SLC25A41: variants seen among roughly 807,000 people sequenced by gnomAD.
SLC25A41 encodes solute carrier family 25 member 41.
In SLC25A41, 35 loss-of-function variants were observed where a neutral mutation model predicts 34.7. That is an observed-to-expected ratio of 1.01 (90% confidence interval 0.77 to 1.34). The LOEUF is 1.34. SLC25A41 is among the 40% of genes most tolerant of loss of function. The pLI, the probability that SLC25A41 is intolerant of heterozygous loss-of-function variation, is 0.00. For synonymous variants in SLC25A41, 190 were observed against 209.9 expected (o/e 0.91, Z 0.82); for missense variants, 492 against 489.8 (o/e 1.00, Z -0.04).
At chr19:6,432,989 G>A (rs1465103914) in intron 1 of SLC25A41, among the ~76,000 whole-genome samples, 1 of 151,886 alleles carries the variant, frequency 6.6e-6, no homozygotes, top group Non-Finnish European at 1.5e-5. Flanking sequence ...GACTCTCTAA[G>A]TTACTCATGG....
intron 2 of SLC25A41, chr19:6,430,601 C>G (rs1208487224): frequency 3.0e-6 from 1 of 336,684 alleles, no homozygotes; most frequent in Non-Finnish European, 5.8e-6. Flanking sequence ...GATTCTCCTG[C>G]CTCAGCCTCC....
At chr19:6,426,872 A>C (rs1225298655) in intron 6 of SLC25A41, among the ~76,000 whole-genome samples, 1 of 152,180 alleles carries the variant, frequency 6.6e-6, no homozygotes, top group African/African-American at 2.4e-5. Flanking sequence ...TCCAGAACTC[A>C]AGGGATCCTC....
Position 6,429,834 on chromosome 19 carries a change from G to A in SLC25A41, c.517-3C>T. On this transcript the variant is annotated splice_polypyrimidine_tract_variant and splice_region_variant and intron_variant, in intron 3 of 6. Coordinates refer to ENST00000321510, the MANE Select transcript of SLC25A41 (RefSeq NM_173637.4). ...ATTCCACAGAAGTAATTCTTGCACT[G>A]GGAGAGGAGAGAGGAGGGTGAGAGA... 1.9e-6 allele frequency: 3 copies of A among 1,610,820 alleles called. No individual in the cohort carries two copies. Among genetic ancestry groups the A allele is most frequent in the Non-Finnish European group, 2.5e-6 (3 of 1,178,458 alleles).
rs2092237956 is a variant in SLC25A41 at position 6,426,098 on chromosome 19, C to A, written c.*291G>T. ...ACATGTTCACCATTTCGCCCTGGAG[C>A]CAGGACGACCCACAAGGGGCCAGAC... On this transcript the variant is annotated 3_prime_UTR_variant, in exon 7 of 7. Transcript: ENST00000321510. The A allele has an allele frequency of 1.5e-5, 6 of 396,682 alleles. No individual in the cohort carries two copies. The highest frequency in any genetic ancestry group is 2.8e-5 in the Non-Finnish European group (6 of 213,552). The allele number at this position is 396,682 out of a possible 1,614,324, so 24.6% of individuals were successfully genotyped here.
At position 6,429,087 on chromosome 19, in the gene SLC25A41, TATATATGTTACATATATATATA is replaced by T. The variant is rs1568349611; in HGVS notation, c.624+615_624+636del. Among the ~76,000 whole-genome samples the T allele has an allele frequency of 1.7e-4, 7 of 41,318 alleles. 1 individual carries two copies. The highest frequency in any genetic ancestry group is 1.1e-3 in the African/African-American group (7 of 6,422). The allele number at this position is 41,318 out of a possible 152,430, so 27.1% of individuals were successfully genotyped here. A position where few individuals can be genotyped will look rare whatever the true frequency, so the allele number is the denominator to read the frequency against. On this transcript the variant is annotated intron_variant, in intron 4 of 6. Coordinates refer to ENST00000321510, the MANE Select transcript of SLC25A41 (RefSeq NM_173637.4). The stretch of plus-strand genomic sequence containing the variant: ...ATATATATATATAATATATATATTA[TATATATGTTACATATATATATA>T]ATATATATATTATATATATGTTATA...
At chr19:6,435,615 A>G (rs113176682), upstream of SLC25A41, among the ~76,000 whole-genome samples, 2,818 of 152,104 alleles carry the variant, frequency 0.019, 39 homozygotes, top group South Asian at 0.038. Context: ...CCAGCTACTC[A>G]GGAGGCTGAG....
intron 1 of SLC25A41, 58 bp downstream of exon 1, chr19:6,433,428 TG>T: frequency 6.5e-7 from 1 of 1,549,750 alleles, no homozygotes; most frequent in Non-Finnish European, 8.9e-7. Flanking sequence ...GTGGGTAGCC[TG>T]GCCTCTCCCT....
At chr19:6,429,095 T>TTA (rs1491142721) in intron 4 of SLC25A41, among the ~76,000 whole-genome samples, 1 of 24,336 alleles carries the variant, frequency 4.1e-5, no homozygotes, top group Non-Finnish European at 6.1e-5. Flanking sequence ...TATATATATG[T>TTA]TACATATATA....
chr19:6,435,640 T>G (rs1373442584), upstream of SLC25A41, among the ~76,000 whole-genome samples: 1 of 152,104 alleles, frequency 6.6e-6, no homozygotes, highest in Non-Finnish European at 1.5e-5. Flanking sequence ...GAGGATCACT[T>G]GAGTCCAGGA....
rs2092287591 is a variant in SLC25A41, at chr19:6,432,046, A to G, written c.363+3T>C. ...TCCCGTCCTCCCCCCAACCCACACA[A>G]ACCTGCATGTACACCTTGGCTCTGT... On this transcript the variant is annotated splice_donor_region_variant and intron_variant, in intron 2 of 6. Transcript: ENST00000321510. 1.2e-6 allele frequency: 2 copies of G among 1,608,714 alleles called. No individual in the cohort carries two copies. Among genetic ancestry groups the G allele is most frequent in the Non-Finnish European group, 1.7e-6 (2 of 1,177,218 alleles).
At position 6,426,336 on chromosome 19, in the gene SLC25A41, C is replaced by CA. The variant is rs1304348772; in HGVS notation, c.*52dup. 3 of 1,522,064 alleles carry CA rather than the reference C, an allele frequency of 2.0e-6. No individual in the cohort carries two copies. In the East Asian group the frequency reaches 7.7e-5, roughly 39 times the overall value. 94.3% of individuals were successfully genotyped at this position (1,522,064 alleles called of 1,614,324 possible). A position where few individuals can be genotyped will look rare whatever the true frequency, so the allele number is the denominator to read the frequency against. Reference sequence around the variant, plus strand: ...TCGAGGGCTCTTTGGGGCCAGGGGTCATCAGGTCCTCCTGTCCCATTTCTG... The same window carrying CA: ...TCGAGGGCTCTTTGGGGCCAGGGGTCAATCAGGTCCTCCTGTCCCATTTCTG... On this transcript the variant is annotated 3_prime_UTR_variant, in exon 7 of 7. Coordinates refer to ENST00000321510, the MANE Select transcript of SLC25A41 (RefSeq NM_173637.4).
intron 2 of SLC25A41, among the ~76,000 whole-genome samples, chr19:6,431,780 C>G (rs1456401602): frequency 2.0e-5 from 3 of 152,030 alleles, no homozygotes; most frequent in Non-Finnish European, 4.4e-5. Context: ...GACCCCATCC[C>G]CAATTCCCTG....
intron 3 of SLC25A41, 87 bp downstream of exon 3, chr19:6,429,922 G>C: frequency 6.3e-7 from 1 of 1,588,354 alleles, no homozygotes; most frequent in Non-Finnish European, 8.6e-7. Context: ...TGGAGGGTGA[G>C]TGTGTGCTTG....
chr19:6,431,960 C>A, intron 2 of SLC25A41, 89 bp downstream of exon 2: 1 of 1,490,160 alleles, frequency 6.7e-7, no homozygotes. Context: ...ATCCTGAACT[C>A]CATCCACGTC....
chr19:6,432,678 T>C (rs1326682406), intron 1 of SLC25A41, among the ~76,000 whole-genome samples: 3 of 150,874 alleles, frequency 2.0e-5, no homozygotes, highest in Non-Finnish European at 4.4e-5. Flanking sequence ...GCAACCGCTG[T>C]CCCCCTGGTT....
intron 4 of SLC25A41, among the ~76,000 whole-genome samples, chr19:6,428,267 A>G (rs535445901): frequency 6.6e-6 from 1 of 152,086 alleles, no homozygotes; most frequent in South Asian, 2.1e-4. Flanking sequence ...AAATACAAAA[A>G]TTAGCTGGGT....
chr19:6,429,671 G>A (rs976034108), intron 4 of SLC25A41, 53 bp downstream of exon 4: 27 of 1,349,156 alleles, frequency 2.0e-5, no homozygotes, highest in Non-Finnish European at 2.3e-5. Flanking sequence ...CCAGCAACGT[G>A]GGTAACTAGT....
At chr19:6,434,030 G>A (rs1281047956), upstream of SLC25A41, among the ~76,000 whole-genome samples, 1 of 152,134 alleles carries the variant, frequency 6.6e-6, no homozygotes, top group Non-Finnish European at 1.5e-5. Context: ...TGCAAGCTCC[G>A]CCTCTGGGGT....
intron 1 of SLC25A41, among the ~76,000 whole-genome samples, chr19:6,432,679 C>A (rs1371137823): frequency 1.3e-5 from 2 of 151,454 alleles, no homozygotes; most frequent in African/African-American, 2.4e-5. Flanking sequence ...CAACCGCTGT[C>A]CCCCTGGTTC....
Sources: allele counts gnomAD v4.1 joint callset (sites outside exome capture counted in the v4.1 genomes callset), GRCh38; gene constraint gnomAD v4.1.1; transcripts MANE v1.5; gene names NCBI Gene and HGNC (gene_info 2026-07-23, HGNC 2026-07-21).